Variants in TTC38 observed in about 807,000 individuals in gnomAD.
TTC38 encodes the protein tetratricopeptide repeat domain 38.
In TTC38, 64 loss-of-function variants were observed where a neutral mutation model predicts 64.2. The ratio of observed to expected loss-of-function variants is 1.00; its 90% CI spans 0.81 to 1.23. The LOEUF is 1.23. Ranked by LOEUF, TTC38 falls within the 50% of genes most tolerant of loss-of-function variation. TTC38 has a pLI of 0.00. For synonymous variants in TTC38, 254 were observed against 249.3 expected (o/e 1.02, Z -0.18); for missense variants, 573 against 615.5 (o/e 0.93, Z 0.73).
rs868150464 is a variant in TTC38, at chr22:46,290,565, T to G, written c.1316+666T>G. On this transcript the variant is annotated intron_variant, in intron 13 of 13. Transcript: ENST00000381031. ...GCTGGAGGGTGTTAGGAGGGTGGTG[T>G]GGCTGGAGGGTGAGTGTTAGGAGGG... is the stretch of plus-strand genomic sequence containing the variant. Among the ~76,000 whole-genome samples the G allele has an allele frequency of 9.0e-4, 98 of 109,324 alleles. 1 individual carries two copies. The highest frequency in any genetic ancestry group is 3.3e-3 in the African/African-American group (89 of 26,686). The allele number at this position is 109,324 out of a possible 152,430, so 71.7% of individuals were successfully genotyped here.
chr22:46,278,689 AC>A (rs1569019404), intron 6 of TTC38, 28 bp downstream of exon 6: 1 of 1,589,678 alleles, frequency 6.3e-7, no homozygotes, highest in South Asian at 1.1e-5. Flanking sequence ...AAGGTGCCTG[AC>A]CCCTCAGGGA....
In TTC38 at chr22:46,291,649, G is replaced by T. The variant is rs1400183623; in HGVS notation, c.1317-1142G>T. Among the ~76,000 whole-genome samples the T allele has an allele frequency of 2.6e-5, 4 of 152,130 alleles. No individual in the cohort carries two copies. Among genetic ancestry groups the T allele is most frequent in the Non-Finnish European group, 5.9e-5 (4 of 68,000 alleles). On this transcript the variant is annotated intron_variant, in intron 13 of 13. Coordinates refer to ENST00000381031, the MANE Select transcript of TTC38 (RefSeq NM_017931.4). The surrounding 1 kb of genome is among the most constrained non-coding windows in gnomAD (Gnocchi z 4.6). ...GGGGCTGTCTTAGTCAGTTTGGGTT[G>T]TTATTTTAAAAGTGCCACAGACAGG...
At chr22:46,290,145 C>T (rs2077602938) in intron 13 of TTC38, among the ~76,000 whole-genome samples, 1 of 152,210 alleles carries the variant, frequency 6.6e-6, no homozygotes, top group African/African-American at 2.4e-5. Context: ...CCTTGCTAAG[C>T]TACCTGGGTA....
intron 8 of TTC38, 142 bp downstream of exon 8, chr22:46,284,174 C>A: frequency 7.3e-6 from 5 of 687,284 alleles, no homozygotes; most frequent in South Asian, 1.7e-5. Flanking sequence ...GCACTCTAGG[C>A]TTCAACCTTT....
At position 46,292,800 on chromosome 22, in the gene TTC38, G is replaced by A. The variant is rs535837554; in HGVS notation, c.1326G>A (p.Leu442=). ...GTGTCTGTTTCCACAGGAGCCTTCT[G>A]ATGGAGCGTGATGCCTTGAAGCCCA... ...SVHKNVARSL[L]MERDALKPNS... Residue 442 remains leucine, a synonymous_variant, in exon 14 of 14, where the codon CTG becomes CTA. Coordinates refer to ENST00000381031, the MANE Select transcript of TTC38 (RefSeq NM_017931.4). The surrounding 1 kb of genome is among the most constrained non-coding windows in gnomAD (Gnocchi z 6.5). 42 of 1,613,820 alleles carry A rather than the reference G, an allele frequency of 2.6e-5. No individual in the cohort carries two copies. In the East Asian group the frequency reaches 8.7e-4, roughly 33 times the overall value.
In TTC38 at chr22:46,289,441, CGTG is replaced by C. The variant is rs771383740; in HGVS notation, c.1124_1126del (p.Val375del). ...ACTGCCAGCACCTCCTGGCCCGAGA[CGTG>C]GGGCTGCCCCTGTGCCAGGCCCTGG... is the stretch of plus-strand genomic sequence containing the variant. On this transcript the variant is annotated inframe_deletion, in exon 12 of 14. Transcript: ENST00000381031. 1.9e-6 allele frequency: 3 copies of C among 1,609,598 alleles called. No homozygotes were observed. The highest frequency in any genetic ancestry group is 2.5e-6 in the Non-Finnish European group (3 of 1,179,760).
rs1298037310 is a variant in TTC38, at chr22:46,274,092, G to A, written c.365+23G>A. ...TGGGTGAGGGGCCTCCCTGGGCTGG[G>A]AGCTGGCACCCTGAGGCTGAGCTGG... On this transcript the variant is annotated intron_variant, in intron 4 of 13. Transcript: ENST00000381031. This position sits in a 1 kb window ranked among gnomAD's most constrained non-coding sequence, Gnocchi z 4.8. The A allele has an allele frequency of 1.2e-6, 2 of 1,611,998 alleles. No homozygotes were observed. Among genetic ancestry groups the A allele is most frequent in the Admixed American group, 1.7e-5 (1 of 59,950 alleles).
rs1174546859 is a variant in TTC38, at chr22:46,273,999, A to G, written c.295A>G (p.Ile99Val). The part of the protein sequence containing the change: ...LDLAVKTMVE[I>V]SRTQPLTRRE... ...CCTGGCTGTGAAGACAATGGTGGAG[A>G]TTTCAAGAACCCAGCCGCTGACAAG... The change falls in exon 4 of 14, where the codon ATT (isoleucine) becomes GTT (valine). Residue 99 changes from isoleucine to valine, a missense_variant. By Grantham distance (29) the Ile-to-Val change is conservative. Around this residue, in one of 3 missense-constraint regions of TTC38, gnomAD observed 134 missense variants for 126.5 expected, o/e 1.06. Coordinates refer to ENST00000381031, the MANE Select transcript of TTC38 (RefSeq NM_017931.4). This position sits in a 1 kb window ranked among gnomAD's most constrained non-coding sequence, Gnocchi z 5.1. 1 of 1,614,140 alleles carries G rather than the reference A, an allele frequency of 6.2e-7. No homozygotes were observed. The highest frequency in any genetic ancestry group is 8.5e-7 in the Non-Finnish European group (1 of 1,180,026).
chr22:46,276,824 A>AATATATATATATATTATATATAT lies in TTC38; in HGVS notation c.539+1417_539+1418insTATATATATATATATATATATAT, dbSNP rs2077492734. Among the ~76,000 whole-genome samples the AATATATATATATATTATATATAT allele has an allele frequency of 2.1e-5, 3 of 139,544 alleles. No homozygotes were observed. The highest frequency in any genetic ancestry group is 8.3e-5 in the African/African-American group (3 of 36,178). 91.5% of individuals were successfully genotyped at this position (139,544 alleles called of 152,430 possible). On this transcript the variant is annotated intron_variant, in intron 5 of 13. Transcript: ENST00000381031. This position sits in a 1 kb window ranked among gnomAD's most constrained non-coding sequence, Gnocchi z 4.7. ...ATTATATATTAAAATATATATATTA[A>AATATATATATATATTATATATAT]ATATATATATATATATAAACATATA...
intron 9 of TTC38, among the ~76,000 whole-genome samples, chr22:46,286,432 A>G (rs965540437): frequency 1.4e-4 from 21 of 152,116 alleles, no homozygotes; most frequent in Admixed American, 1.4e-3. Context: ...ATGCTGAGAC[A>G]GGTAGATCAC....
chr22:46,278,765 T>C, intron 6 of TTC38, 104 bp downstream of exon 6: 1 of 918,976 alleles, frequency 1.1e-6, no homozygotes, highest in Non-Finnish European at 1.8e-6. Flanking sequence ...GCGAACCCCA[T>C]CCCTGGTCTC....
rs200598539 is a variant in TTC38, at chr22:46,272,449, C to T, written c.193+33C>T. ...ACGCCTTCCCTGGGTGGAGGAGCCC[C>T]GCTTCACACATCCAGCCCCTCTCTT... is the stretch of plus-strand genomic sequence containing the variant. On this transcript the variant is annotated intron_variant, in intron 3 of 13. Coordinates refer to ENST00000381031, the MANE Select transcript of TTC38 (RefSeq NM_017931.4). The surrounding 1 kb of genome is among the most constrained non-coding windows in gnomAD (Gnocchi z 6.4). 95 of 1,538,358 alleles carry T rather than the reference C, an allele frequency of 6.2e-5. No individual in the cohort carries two copies. In the East Asian group the frequency reaches 1.9e-3, roughly 30 times the overall value.
chr22:46,285,972 G>A (rs568638132), intron 9 of TTC38, among the ~76,000 whole-genome samples: 80 of 136,032 alleles, frequency 5.9e-4, no homozygotes, highest in South Asian at 1.1e-3. Context: ...CCAAGATCAC[G>A]CTACTGCACT....
chr22:46,290,680 G>A (rs1335055526), intron 13 of TTC38, among the ~76,000 whole-genome samples: 2 of 151,720 alleles, frequency 1.3e-5, no homozygotes, highest in African/African-American at 4.9e-5. Flanking sequence ...TTAGGAGGGT[G>A]GTGTGGCTGG....
At chr22:46,268,753 C>G in intron 2 of TTC38, 162 bp downstream of exon 2, 1 of 646,844 alleles carries the variant, frequency 1.5e-6, no homozygotes, top group Admixed American at 2.8e-5. Flanking sequence ...GGCGCTATTT[C>G]GGCTCACTGC....
rs1186217397 is a variant in TTC38, at chr22:46,292,038, T to A, written c.1317-753T>A. Among the ~76,000 whole-genome samples the A allele has an allele frequency of 6.6e-6, 1 of 152,218 alleles. No homozygotes were observed. The highest frequency in any genetic ancestry group is 1.5e-5 in the Non-Finnish European group (1 of 68,036). On this transcript the variant is annotated intron_variant, in intron 13 of 13. Coordinates refer to ENST00000381031, the MANE Select transcript of TTC38 (RefSeq NM_017931.4). This position sits in a 1 kb window ranked among gnomAD's most constrained non-coding sequence, Gnocchi z 6.5. ...TGTCTCACAGTTCTGGAGGCTGGAA[T>A]GTCCAGGAACAAGGCCTGGCTGGGT...
At chr22:46,289,965 G>A in intron 13 of TTC38, 66 bp downstream of exon 13, 1 of 1,419,404 alleles carries the variant, frequency 7.0e-7, no homozygotes, top group South Asian at 1.1e-5. Context: ...CCTCAGGAGT[G>A]CCTGGAAGCC....
In TTC38 at chr22:46,278,661, G is replaced by A. The variant is rs1024526597; in HGVS notation, c.615G>A (p.Glu205=). The stretch of plus-strand genomic sequence containing the variant: ...ACCAGGCAGAAAAACTCGCCAAAGA[G>A]GTAAGTGGGTCCTTCCTAAGGTGCC... ...FYDQAEKLAK[E]ALSINPTDAW... Residue 205 remains glutamate, a splice_region_variant and synonymous_variant, in exon 6 of 14, where the codon GAG becomes GAA. Coordinates refer to ENST00000381031, the MANE Select transcript of TTC38 (RefSeq NM_017931.4). The A allele has an allele frequency of 1.9e-6, 3 of 1,613,868 alleles. No homozygotes were observed. Among genetic ancestry groups the A allele is most frequent in the Non-Finnish European group, 2.5e-6 (3 of 1,179,846 alleles).
rs2077541228 is a variant in TTC38, at chr22:46,282,342, G to T, written c.735+624G>T. On this transcript the variant is annotated intron_variant, in intron 7 of 13. Coordinates refer to ENST00000381031, the MANE Select transcript of TTC38 (RefSeq NM_017931.4). This position sits in a 1 kb window ranked among gnomAD's most constrained non-coding sequence, Gnocchi z 4.4. ...AGTCCCTCTTTCCAGGGGAGGCAAG[G>T]TGGTGTCCAGGCAGAGGCAGAAACG... Among the ~76,000 whole-genome samples the T allele has an allele frequency of 6.6e-6, 1 of 152,174 alleles. No individual in the cohort carries two copies. The highest frequency in any genetic ancestry group is 2.4e-5 in the African/African-American group (1 of 41,434).
Sources: allele counts gnomAD v4.1 joint callset (sites outside exome capture counted in the v4.1 genomes callset), GRCh38; gene constraint gnomAD v4.1.1; regional missense constraint gnomAD v4.1.1; non-coding constraint Gnocchi (gnomAD v3.1); transcripts MANE v1.5; gene names NCBI Gene and HGNC (gene_info 2026-07-23, HGNC 2026-07-21).